The following SNX24 variants were observed in gnomAD, a reference collection of about 807,000 sequenced individuals.
The protein encoded by SNX24 is sorting nexin-24.
Under a neutral mutation model 28.7 loss-of-function variants are expected in SNX24, and 22 were observed. The ratio of observed to expected loss-of-function variants is 0.77; its 90% CI spans 0.55 to 1.10. The LOEUF (loss-of-function observed/expected upper bound fraction) is 1.10, where lower values mean the gene tolerates loss of function less well. Ranked by LOEUF, SNX24 falls within the 50% of genes least tolerant of loss-of-function variation. The pLI, the probability that SNX24 is intolerant of heterozygous loss-of-function variation, is 0.00. For synonymous variants in SNX24, 69 were observed against 71.5 expected, an observed-to-expected ratio of 0.96 and a Z score of 0.18; for missense variants, 221 against 201.1, an observed-to-expected ratio of 1.10 and a Z score of -0.60.
At chr5:122,970,339 G>A (rs547448197) in intron 3 of SNX24, among the ~76,000 whole-genome samples, 2 of 151,826 alleles carry the variant, frequency 1.3e-5, no homozygotes, top group African/African-American at 2.4e-5. Flanking sequence ...TTTAGAATGC[G>A]GCATACTCTT....
At chr5:123,007,541 C>T in intron 6 of SNX24, 141 bp from the exon 7 acceptor site, 1 of 778,862 alleles carries the variant, frequency 1.3e-6, no homozygotes, top group Non-Finnish European at 2.0e-6. Flanking sequence ...CATCCTCAAC[C>T]AGGCACATGC....
At chr5:122,978,042 C>A (rs1761240863) in intron 3 of SNX24, among the ~76,000 whole-genome samples, 1 of 152,026 alleles carries the variant, frequency 6.6e-6, no homozygotes, top group South Asian at 2.1e-4. Context: ...TTGAAGATAT[C>A]CTGGTAAGAC....
intron 3 of SNX24, among the ~76,000 whole-genome samples, chr5:122,985,859 C>G (rs1761583032): frequency 6.6e-6 from 1 of 152,208 alleles, no homozygotes; most frequent in African/African-American, 2.4e-5. Flanking sequence ...GCGTTCAGAG[C>G]CCTTTCTTTG....
At chr5:122,856,638 C>T (rs578149156) in intron 1 of SNX24, among the ~76,000 whole-genome samples, 2 of 151,508 alleles carry the variant, frequency 1.3e-5, no homozygotes, top group South Asian at 4.2e-4. Flanking sequence ...GCCTTAGCCT[C>T]CCTAGTAGCT....
chr5:122,978,920 T>C (rs1428223838), intron 3 of SNX24, among the ~76,000 whole-genome samples: 1 of 152,228 alleles, frequency 6.6e-6, no homozygotes, highest in East Asian at 1.9e-4. Flanking sequence ...AAAATTACTT[T>C]TTCTCAGGCT....
At chr5:122,999,467 C>CACAT (rs1165865598) in intron 3 of SNX24, among the ~76,000 whole-genome samples, 5 of 151,542 alleles carry the variant, frequency 3.3e-5, no homozygotes, top group Non-Finnish European at 7.4e-5. Context: ...CACACACACA[C>CACAT]ACACACACAC....
At chr5:122,963,236 AAATT>A (rs959250475) in intron 3 of SNX24, among the ~76,000 whole-genome samples, 2 of 152,064 alleles carry the variant, frequency 1.3e-5, no homozygotes, top group Non-Finnish European at 2.9e-5. Flanking sequence ...ACTGTCTCAA[AAATT>A]AATTAATTAA....
At chr5:122,857,937 G>A (rs555546379) in intron 1 of SNX24, among the ~76,000 whole-genome samples, 4 of 151,940 alleles carry the variant, frequency 2.6e-5, no homozygotes, top group East Asian at 3.9e-4. Flanking sequence ...CACGTGCCAC[G>A]ATGCCCGGCT....
At chr5:122,968,156 C>A (rs968398872) in intron 3 of SNX24, among the ~76,000 whole-genome samples, 1 of 152,152 alleles carries the variant, frequency 6.6e-6, no homozygotes, top group Non-Finnish European at 1.5e-5. Context: ...GAGTTCAAAA[C>A]CAACATGGTG....
chr5:123,012,733 C>G (rs1251945761), downstream of SNX24, among the ~76,000 whole-genome samples: 2 of 152,192 alleles, frequency 1.3e-5, no homozygotes, highest in Non-Finnish European at 2.9e-5. Flanking sequence ...CTGTACTGAT[C>G]AGGTAGCACT....
chr5:122,849,792 G>A (rs1019077453), intron 1 of SNX24, among the ~76,000 whole-genome samples: 2 of 152,176 alleles, frequency 1.3e-5, no homozygotes, highest in Admixed American at 6.5e-5. Context: ...CTTGAGGCTA[G>A]GTAGTGTCCA....
chr5:123,009,799 C>T (rs936397649), downstream of SNX24, among the ~76,000 whole-genome samples: 1 of 152,162 alleles, frequency 6.6e-6, no homozygotes, highest in Non-Finnish European at 1.5e-5. Flanking sequence ...GGTAGGTGTC[C>T]AAGAACAAAT....
At chr5:122,966,216 A>G (rs1760706627) in intron 3 of SNX24, among the ~76,000 whole-genome samples, 1 of 152,256 alleles carries the variant, frequency 6.6e-6, no homozygotes, top group South Asian at 2.1e-4. Flanking sequence ...ATAGGAAGGG[A>G]TAGACTTGCA....
intron 1 of SNX24, among the ~76,000 whole-genome samples, chr5:122,905,496 CT>C (rs1281232678): frequency 6.6e-6 from 1 of 152,164 alleles, no homozygotes; most frequent in Non-Finnish European, 1.5e-5. Context: ...AAATTCAAAA[CT>C]TTTTGAGTGC....
At chr5:122,927,230 G>A (rs1758739779) in intron 1 of SNX24, among the ~76,000 whole-genome samples, 1 of 152,200 alleles carries the variant, frequency 6.6e-6, no homozygotes, top group Non-Finnish European at 1.5e-5. Context: ...AGTATTAGCA[G>A]AGCCCAGAAG....
At chr5:122,910,671 A>C (rs1321057449) in intron 1 of SNX24, among the ~76,000 whole-genome samples, 5 of 122,944 alleles carry the variant, frequency 4.1e-5, no homozygotes, top group Non-Finnish European at 7.9e-5. Flanking sequence ...TCCTGTGTCC[A>C]TGTGTTCTCA....
intron 3 of SNX24, among the ~76,000 whole-genome samples, chr5:122,996,079 C>T (rs775488860): frequency 2.9e-4 from 44 of 152,284 alleles, no homozygotes; most frequent in African/African-American, 9.6e-4. Context: ...TCTCTAGAAT[C>T]GGTGCAGCAA....
chr5:122,897,226 A>G (rs1757242154), intron 1 of SNX24, among the ~76,000 whole-genome samples: 2 of 152,330 alleles, frequency 1.3e-5, no homozygotes, highest in South Asian at 4.1e-4. Flanking sequence ...CAAAGATGTC[A>G]TTAGAAGAAT....
chr5:122,945,816 A>G (rs1759656978), intron 2 of SNX24, among the ~76,000 whole-genome samples: 1 of 152,182 alleles, frequency 6.6e-6, no homozygotes, highest in East Asian at 1.9e-4. Context: ...AATCTGAAAT[A>G]TCAACAATAA....
Sources: allele counts gnomAD v4.1 joint callset (sites outside exome capture counted in the v4.1 genomes callset), GRCh38; gene constraint gnomAD v4.1.1; transcripts MANE v1.5; gene names NCBI Gene and HGNC (gene_info 2026-07-23, HGNC 2026-07-21).